LY75: variants seen among roughly 807,000 people sequenced by gnomAD.
LY75 encodes lymphocyte antigen 75.
Under a neutral mutation model 231.7 loss-of-function variants are expected in LY75, and 185 were observed. The ratio of observed to expected loss-of-function variants is 0.80; its 90% CI spans 0.71 to 0.90. The LOEUF (loss-of-function observed/expected upper bound fraction) is 0.90. LY75 is among the 40% of genes least tolerant of loss of function. LY75 has a pLI of 0.00. For missense variants in LY75, 1,947 were observed against 2,050.2 expected (o/e 0.95, Z 0.97); for synonymous variants, 668 against 689.0 (o/e 0.97, Z 0.48).
chr2:159,845,114 G>A (rs1684163917), intron 23 of LY75, among the ~76,000 whole-genome samples: 2 of 151,914 alleles, frequency 1.3e-5, no homozygotes, highest in African/African-American at 4.8e-5. Context: ...AGAAAGAGAT[G>A]GAACTATAAA....
In LY75 at chr2:159,821,837, C is replaced by T. The variant is rs144043215; in HGVS notation, c.3959-1917G>A. On this transcript the variant is annotated intron_variant, in intron 28 of 34. Transcript: ENST00000263636. ...ATTTCTGCATTTCCAACTGAGGTACCGGGTTCATCTCAATGGGACTGGTTG... is the reference window on the plus strand; with the variant it reads ...ATTTCTGCATTTCCAACTGAGGTACTGGGTTCATCTCAATGGGACTGGTTG... Among the ~76,000 whole-genome samples, 440 of 152,228 alleles carry T rather than the reference C, an allele frequency of 2.9e-3. 1 individual carries two copies. Among genetic ancestry groups the T allele is most frequent in the African/African-American group, 9.7e-3 (402 of 41,532 alleles).
At chr2:159,805,266 G>A (rs1300671278) in intron 34 of LY75, 44 bp from the exon 35 acceptor site, 1 of 1,471,978 alleles carries the variant, frequency 6.8e-7, no homozygotes, top group Non-Finnish European at 9.5e-7. Context: ...GAATACAAAA[G>A]TGATCATTAT....
intron 29 of LY75, among the ~76,000 whole-genome samples, chr2:159,819,025 C>T (rs1421893333): frequency 6.6e-6 from 1 of 152,140 alleles, no homozygotes; most frequent in Non-Finnish European, 1.5e-5. Flanking sequence ...CAAAAGTTTA[C>T]ATGCACTCAA....
At position 159,806,378 on chromosome 2, in the gene LY75, T is replaced by A. The variant is rs146290497; in HGVS notation, c.4990+595A>T. ...TGAGGTTTTATCTTTAATATTTATA[T>A]ACAAGAAGCAAAAGTTTTATGCAAG... On this transcript the variant is annotated intron_variant, in intron 34 of 34. Coordinates refer to ENST00000263636, the MANE Select transcript of LY75 (RefSeq NM_002349.4). Among the ~76,000 whole-genome samples the A allele has an allele frequency of 1.5e-3, 229 of 152,290 alleles. 1 individual carries two copies. The highest frequency in any genetic ancestry group is 5.2e-3 in the African/African-American group (216 of 41,558).
chr2:159,852,483 A>G, intron 20 of LY75, 143 bp from the exon 21 acceptor site: 1 of 1,175,538 alleles, frequency 8.5e-7, no homozygotes, highest in Non-Finnish European at 1.2e-6. Context: ...CAGTGGTGCA[A>G]TGTTGGCTTA....
chr2:159,842,410 T>A, intron 23 of LY75, 36 bp from the exon 24 acceptor site: 2 of 1,588,896 alleles, frequency 1.3e-6, no homozygotes, highest in Non-Finnish European at 1.7e-6. Context: ...TGCAATCATG[T>A]AACAATGGTC....
intron 33 of LY75, 94 bp from the exon 34 acceptor site, chr2:159,807,234 C>A: frequency 7.5e-7 from 1 of 1,339,812 alleles, no homozygotes; most frequent in Non-Finnish European, 1.0e-6. Context: ...CTGTGCTGTC[C>A]AATATGAGAG....
At chr2:159,848,424 G>A (rs957148422) in intron 23 of LY75, among the ~76,000 whole-genome samples, 1 of 151,990 alleles carries the variant, frequency 6.6e-6, no homozygotes, top group East Asian at 1.9e-4. Flanking sequence ...TGGGAAGGGG[G>A]TGAGGGATAA....
At chr2:159,853,453 C>A in intron 19 of LY75, 101 bp from the exon 20 acceptor site, 1 of 1,488,416 alleles carries the variant, frequency 6.7e-7, no homozygotes, top group Non-Finnish European at 9.2e-7. Context: ...AATGTTAATA[C>A]CATTACTCTA....
At chr2:159,821,943 A>AT (rs1683307162) in intron 28 of LY75, among the ~76,000 whole-genome samples, 1 of 152,124 alleles carries the variant, frequency 6.6e-6, no homozygotes, top group African/African-American at 2.4e-5. Context: ...GGGTCGGGGA[A>AT]TTTTCTCCCC....
intron 6 of LY75, among the ~76,000 whole-genome samples, chr2:159,884,904 C>T (rs17231993): frequency 0.38 from 58,369 of 151,948 alleles, 14,142 homozygotes; most frequent in Non-Finnish European, 0.54. Context: ...TTTCCTATCT[C>T]GAATATCTCT....
intron 23 of LY75, among the ~76,000 whole-genome samples, chr2:159,843,420 G>T (rs13427173): frequency 0.047 from 7,151 of 151,324 alleles, 511 homozygotes; most frequent in African/African-American, 0.16. Flanking sequence ...TAGCATAATT[G>T]TCATAACGAA....
chr2:159,831,851 G>T (rs1162698554), intron 27 of LY75, 65 bp from the exon 28 acceptor site: 1 of 1,339,976 alleles, frequency 7.5e-7, no homozygotes, highest in African/African-American at 1.5e-5. Flanking sequence ...TATTTGATAA[G>T]TTTAAAACAT....
chr2:159,806,911 A>G, intron 34 of LY75, 62 bp downstream of exon 34: 1 of 1,528,450 alleles, frequency 6.5e-7, no homozygotes, highest in Non-Finnish European at 8.8e-7. Context: ...ACATAATTGG[A>G]TTGTACATTT....
chr2:159,835,829 G>T (rs763358618), intron 25 of LY75, among the ~76,000 whole-genome samples, 184 bp from the exon 26 acceptor site: 3 of 152,020 alleles, frequency 2.0e-5, no homozygotes, highest in Non-Finnish European at 4.4e-5. Flanking sequence ...CTTAATCCTT[G>T]TAACAACCAT....
intron 21 of LY75, 97 bp from the exon 22 acceptor site, chr2:159,850,564 CG>C: frequency 6.6e-7 from 1 of 1,515,278 alleles, no homozygotes; most frequent in South Asian, 1.2e-5. Context: ...TGCTAATTTT[CG>C]GTCTGTGAGA....
chr2:159,901,309 C>T (rs1401490185), intron 1 of LY75, among the ~76,000 whole-genome samples: 1 of 152,226 alleles, frequency 6.6e-6, no homozygotes, highest in Non-Finnish European at 1.5e-5. Flanking sequence ...TGATCTACAT[C>T]TTTTCCAAAG....
In LY75 at chr2:159,882,218, C is replaced by T. The variant is rs1375340404; in HGVS notation, c.1152G>A (p.Lys384=). The T allele has an allele frequency of 1.2e-6, 2 of 1,613,910 alleles. No homozygotes were observed. Among genetic ancestry groups the T allele is most frequent in the African/African-American group, 2.7e-5 (2 of 74,906 alleles). The change falls in exon 7 of 35, where the codon AAG becomes AAA. Residue 384 remains lysine (K), a synonymous_variant. Transcript: ENST00000263636. ...TGAAGGCTTTGCATTTCGCATGTGC[C>T]TTATCCCAGGAATTACTTTCATTTA... is the stretch of plus-strand genomic sequence containing the variant. ...LLVNESNSWD[K]AHAKCKAFSS...
intron 31 of LY75, chr2:159,812,218 A>G (rs1225933406): frequency 2.6e-5 from 4 of 150,968 alleles, no homozygotes. Flanking sequence ...ATAGTCTGCA[A>G]CTGGGGTCTC....
Sources: gnomAD v4.1 joint callset for allele counts (sites outside exome capture counted in the v4.1 genomes callset) on GRCh38, gnomAD v4.1.1 for gene constraint, MANE v1.5 for transcripts, NCBI Gene and HGNC (gene_info 2026-07-23, HGNC 2026-07-21) for gene names.